The following CCDC50 variants were observed in gnomAD, a reference collection of about 807,000 sequenced individuals.
The protein encoded by CCDC50 is coiled-coil domain containing 50.
Under a neutral mutation model 70.2 loss-of-function variants are expected in CCDC50, and 54 were observed. That is an observed-to-expected ratio of 0.77 (90% CI 0.62 to 0.96). The LOEUF is 0.96. Ranked by LOEUF, CCDC50 falls within the 50% of genes least tolerant of loss-of-function variation. The probability of loss-of-function intolerance (pLI) is 0.00; values close to 1 mark genes in which losing one functional copy is unlikely to be tolerated. For synonymous variants in CCDC50, 216 were observed against 198.8 expected, an observed-to-expected ratio of 1.09 and a Z score of -0.73; for missense variants, 558 against 578.7, an observed-to-expected ratio of 0.96 and a Z score of 0.37.
intron 9 of CCDC50, among the ~76,000 whole-genome samples, chr3:191,382,541 C>A (rs987668616): frequency 6.6e-6 from 1 of 152,050 alleles, no homozygotes; most frequent in Non-Finnish European, 1.5e-5. Flanking sequence ...CAAAGCCTAC[C>A]TTTGCAGCTA....
Position 191,397,130 on chromosome 3 carries a change from G to A in CCDC50, c.*5370G>A, listed in dbSNP as rs988961036. ...GAAAAATTGAAAGATGGGTTTGGGC[G>A]ACATTTTCTTCCCAAAAGATCAAGT... On this transcript the variant is annotated 3_prime_UTR_variant, in exon 12 of 12. Coordinates refer to ENST00000392455, the MANE Select transcript of CCDC50 (RefSeq NM_178335.3). The A allele has an allele frequency of 1.4e-4, 21 of 152,088 alleles. No individual in the cohort carries two copies. Among genetic ancestry groups the A allele is most frequent in the African/African-American group, 4.8e-4 (20 of 41,398 alleles). The allele number at this position is 152,088 out of a possible 1,614,324, so 9.4% of individuals were successfully genotyped here.
chr3:191,359,928 G>A (rs1001602246), intron 3 of CCDC50, among the ~76,000 whole-genome samples: 1 of 152,174 alleles, frequency 6.6e-6, no homozygotes, highest in African/African-American at 2.4e-5. Context: ...TATAAATCAG[G>A]AGTAGAGAGT....
At position 191,398,271 on chromosome 3, in the gene CCDC50, T is replaced by A. The variant is rs1430888269; in HGVS notation, c.*6511T>A. ...TGGTTTGTTTTTTACACTATATTTC[T>A]CATTAGGTTCTTTAAACATCAGGTT... On this transcript the variant is annotated 3_prime_UTR_variant, in exon 12 of 12. Coordinates refer to ENST00000392455, the MANE Select transcript of CCDC50 (RefSeq NM_178335.3). The A allele has an allele frequency of 6.6e-6, 1 of 152,246 alleles. No individual in the cohort carries two copies. The highest frequency in any genetic ancestry group is 2.4e-5 in the African/African-American group (1 of 41,464). 9.4% of individuals were successfully genotyped at this position (152,246 alleles called of 1,614,324 possible). A position where few individuals can be genotyped will look rare whatever the true frequency, so the allele number is the denominator to read the frequency against.
Position 191,391,879 on chromosome 3 carries a change from A to G in CCDC50, c.*119A>G. 1 of 876,836 alleles carries G rather than the reference A, an allele frequency of 1.1e-6. No homozygotes were observed. Among genetic ancestry groups the G allele is most frequent in the South Asian group, 1.5e-5 (1 of 66,848 alleles). 54.3% of individuals were successfully genotyped at this position (876,836 alleles called of 1,614,324 possible). ...TTTGCATTCCTGGGATTTATCCTCA[A>G]GTGCATTTCTGACCATAAGTAATTT... On this transcript the variant is annotated 3_prime_UTR_variant, in exon 12 of 12. Transcript: ENST00000392455.
intron 4 of CCDC50, among the ~76,000 whole-genome samples, chr3:191,367,681 T>A (rs1174011418): frequency 1.3e-5 from 2 of 152,010 alleles, no homozygotes; most frequent in Non-Finnish European, 2.9e-5. Flanking sequence ...TGGAGCATAG[T>A]TTATAATTTC....
chr3:191,359,689 G>A (rs1461703800), intron 3 of CCDC50, among the ~76,000 whole-genome samples: 1 of 152,094 alleles, frequency 6.6e-6, no homozygotes, highest in African/African-American at 2.4e-5. Context: ...TAATGGAGAT[G>A]TAAAGAGGAG....
Position 191,348,334 on chromosome 3 carries a change from A to G in CCDC50, c.50-8754A>G, listed in dbSNP as rs1206149050. Among the ~76,000 whole-genome samples the G allele has an allele frequency of 2.1e-5, 3 of 142,344 alleles. 1 individual carries two copies. The highest frequency in any genetic ancestry group is 4.8e-5 in the Non-Finnish European group (3 of 63,104). 93.4% of individuals were successfully genotyped at this position (142,344 alleles called of 152,430 possible). A position where few individuals can be genotyped will look rare whatever the true frequency, so the allele number is the denominator to read the frequency against. ...CCCATTCTCTGTGTTTCATTCTCAC[A>G]ACAACCAAGCAACCAAAAACAGAGA... On this transcript the variant is annotated intron_variant, in intron 1 of 11. Transcript: ENST00000392455.
At chr3:191,365,088 A>ATTGTGTGTGTGTGTG (rs1712635192) in intron 4 of CCDC50, among the ~76,000 whole-genome samples, 4 of 151,474 alleles carry the variant, frequency 2.6e-5, no homozygotes, top group African/African-American at 9.7e-5. Context: ...GCATGACTAG[A>ATTGTGTGTGTGTGTG]TGTGTGTGTG....
rs867868289 is a variant in CCDC50 at position 191,393,604 on chromosome 3, C to G, written c.*1844C>G. On this transcript the variant is annotated 3_prime_UTR_variant, in exon 12 of 12. Transcript: ENST00000392455. ...GTTAATCAGAAAGATAATCTACATC[C>G]CTACTTTATGTAGTCATTTTGGAGA... 1 of 152,006 alleles carries G rather than the reference C, an allele frequency of 6.6e-6. No individual in the cohort carries two copies. Among genetic ancestry groups the G allele is most frequent in the Non-Finnish European group, 1.5e-5 (1 of 67,992 alleles). 9.4% of individuals were successfully genotyped at this position (152,006 alleles called of 1,614,324 possible).
At chr3:191,347,088 G>A (rs2108641134) in intron 1 of CCDC50, among the ~76,000 whole-genome samples, 1 of 142,170 alleles carries the variant, frequency 7.0e-6, no homozygotes, top group Non-Finnish European at 1.6e-5. Context: ...AGGATCCTGA[G>A]TTATGCTATT....
intron 5 of CCDC50, among the ~76,000 whole-genome samples, chr3:191,373,830 C>A (rs1443537015): frequency 6.6e-6 from 1 of 152,012 alleles, no homozygotes; most frequent in Non-Finnish European, 1.5e-5. Context: ...CTGGAAAGCA[C>A]AAGAGGAAAC....
intron 3 of CCDC50, 145 bp downstream of exon 3, chr3:191,358,269 GT>G: frequency 2.7e-6 from 3 of 1,100,620 alleles, no homozygotes; most frequent in Non-Finnish European, 3.9e-6. Context: ...ATGTCTAACA[GT>G]TTTTTTGATT....
Position 191,380,139 on chromosome 3 carries a change from G to GTTTTTT in CCDC50, c.977-10_977-5dup. The GTTTTTT allele has an allele frequency of 1.2e-5, 14 of 1,182,898 alleles. No homozygotes were observed. The highest frequency in any genetic ancestry group is 4.1e-5 in the Admixed American group (2 of 48,478). The allele number at this position is 1,182,898 out of a possible 1,614,324, so 73.3% of individuals were successfully genotyped here. A position where few individuals can be genotyped will look rare whatever the true frequency, so the allele number is the denominator to read the frequency against. On this transcript the variant is annotated intron_variant, in intron 6 of 11. Transcript: ENST00000392455. ...ATCCTCGGTTGTTTTATTACATTGA[G>GTTTTTT]TTTTTTTTTTTTTTTAAAGGAATGA...
At chr3:191,386,574 T>C (rs1308154123) in intron 10 of CCDC50, among the ~76,000 whole-genome samples, 1 of 152,158 alleles carries the variant, frequency 6.6e-6, no homozygotes, top group Non-Finnish European at 1.5e-5. Flanking sequence ...ATAGAGTGCT[T>C]TTCCATTTAT....
In CCDC50 at chr3:191,374,950, A is replaced by G. The variant is rs534390888; in HGVS notation, c.449-112A>G. ...TTAAGTTGAAAAAGCAATTTTCTCC[A>G]TTTTTAAAGTACGTTAAACTGGAGC... On this transcript the variant is annotated intron_variant, in intron 5 of 11. Coordinates refer to ENST00000392455, the MANE Select transcript of CCDC50 (RefSeq NM_178335.3). 67 of 1,132,584 alleles carry G rather than the reference A, an allele frequency of 5.9e-5. No individual in the cohort carries two copies. In the South Asian group the frequency reaches 8.2e-4, roughly 14 times the overall value. 70.2% of individuals were successfully genotyped at this position (1,132,584 alleles called of 1,614,324 possible). A position where few individuals can be genotyped will look rare whatever the true frequency, so the allele number is the denominator to read the frequency against.
In CCDC50 at chr3:191,348,600, A is replaced by G. The variant is rs932789988; in HGVS notation, c.50-8488A>G. ...GGATCTCTGTTTAGAAGGATCATCTATCTCCCAGACAGGTGGAATATCATG... is the reference window on the plus strand; with the variant it reads ...GGATCTCTGTTTAGAAGGATCATCTGTCTCCCAGACAGGTGGAATATCATG... On this transcript the variant is annotated intron_variant, in intron 1 of 11. Coordinates refer to ENST00000392455, the MANE Select transcript of CCDC50 (RefSeq NM_178335.3). Among the ~76,000 whole-genome samples, 6 of 142,160 alleles carry G rather than the reference A, an allele frequency of 4.2e-5. 1 individual carries two copies. Among genetic ancestry groups the G allele is most frequent in the Non-Finnish European group, 7.9e-5 (5 of 63,030 alleles). 93.3% of individuals were successfully genotyped at this position (142,160 alleles called of 152,430 possible). A position where few individuals can be genotyped will look rare whatever the true frequency, so the allele number is the denominator to read the frequency against.
chr3:191,380,784 A>G lies in CCDC50; in HGVS notation c.1138-44A>G, dbSNP rs763846970. On this transcript the variant is annotated intron_variant, in intron 8 of 11. Coordinates refer to ENST00000392455, the MANE Select transcript of CCDC50 (RefSeq NM_178335.3). ...TTTGGAAATATCCTAGTATATTTCTATCTGCACCTCTGCAGTTAATGATAT... is the reference window on the plus strand; with the variant it reads ...TTTGGAAATATCCTAGTATATTTCTGTCTGCACCTCTGCAGTTAATGATAT... 2.5e-6 allele frequency: 4 copies of G among 1,611,006 alleles called. No homozygotes were observed. The South Asian group carries it at 3.3e-5, about 13-fold the overall frequency.
Position 191,347,337 on chromosome 3 carries a change from A to C in CCDC50, c.50-9751A>C, listed in dbSNP as rs551327256. Reference sequence around the variant, plus strand: ...AGTTTGCAACTACAGGGGAGTTCTAAGGATGTGGGGCAGTTTTCTCAAACC... The same window carrying C: ...AGTTTGCAACTACAGGGGAGTTCTACGGATGTGGGGCAGTTTTCTCAAACC... On this transcript the variant is annotated intron_variant, in intron 1 of 11. Coordinates refer to ENST00000392455, the MANE Select transcript of CCDC50 (RefSeq NM_178335.3). Among the ~76,000 whole-genome samples the C allele has an allele frequency of 2.4e-4, 34 of 141,872 alleles. 4 individuals are homozygous for C. The South Asian group carries it at 4.9e-3, about 21-fold the overall frequency. 93.1% of individuals were successfully genotyped at this position (141,872 alleles called of 152,430 possible). A position where few individuals can be genotyped will look rare whatever the true frequency, so the allele number is the denominator to read the frequency against.
chr3:191,358,063 A>G lies in CCDC50; in HGVS notation c.178A>G (p.Lys60Glu), dbSNP rs367975013. ...RLVQHDLQVA[K>E]QLQEEDLKAQ... The stretch of plus-strand genomic sequence containing the variant: ...GGTCCAGCATGATCTCCAGGTGGCT[A>G]AGCAGCTCCAAGAGGAAGATCTGAA... The change falls in exon 3 of 12, where the codon AAG becomes GAG. Residue 60 changes from lysine to glutamate, a missense_variant. By Grantham distance (56) the Lys-to-Glu change is moderately conservative. Transcript: ENST00000392455. 1 of 1,613,920 alleles carries G rather than the reference A, an allele frequency of 6.2e-7. No homozygotes were observed. Among genetic ancestry groups the G allele is most frequent in the Non-Finnish European group, 8.5e-7 (1 of 1,179,924 alleles).
Sources: gnomAD v4.1 joint callset for allele counts (sites outside exome capture counted in the v4.1 genomes callset) on GRCh38, gnomAD v4.1.1 for gene constraint, MANE v1.5 for transcripts, NCBI Gene and HGNC (gene_info 2026-07-23, HGNC 2026-07-21) for gene names.